Variants in NHS observed in about 807,000 individuals in gnomAD.
NHS encodes actin remodeling regulator NHS.
NHS carries 5 observed loss-of-function variants against 72.5 expected under a neutral mutation model. The ratio of observed to expected loss-of-function variants is 0.07; its 90% confidence interval spans 0.04 to 0.14. The LOEUF (loss-of-function observed/expected upper bound fraction) is 0.14, where lower values mean the gene tolerates loss of function less well. Among genes scored for constraint, NHS ranks in the 10% least tolerant of loss-of-function variants. The pLI is 1.00. For missense variants in NHS, 1,072 were observed against 1,355.7 expected (o/e 0.79, Z 3.29); for synonymous variants, 464 against 547.7 (o/e 0.85, Z 2.13).
At chrX:17,604,732 T>C in intron 1 of NHS, among the ~76,000 whole-genome samples, 1 of 112,374 alleles carries the variant, frequency 8.9e-6, no homozygotes, top group South Asian at 3.7e-4. Flanking sequence ...AATGCATGCA[T>C]GCATGAATGA....
intron 1 of NHS, among the ~76,000 whole-genome samples, chrX:17,436,774 A>T (rs377760225): frequency 9.0e-6 from 1 of 110,631 alleles, no homozygotes; most frequent in South Asian, 3.9e-4. Context: ...CACAGGAAAA[A>T]AAATCTGCTG....
chrX:17,591,126 A>G (rs1167241457), intron 1 of NHS, among the ~76,000 whole-genome samples: 1 of 112,020 alleles, frequency 8.9e-6, no homozygotes, highest in African/African-American at 3.2e-5. Flanking sequence ...CCTGGTACCC[A>G]TGTTAATCCT....
intron 1 of NHS, among the ~76,000 whole-genome samples, chrX:17,485,250 C>A (rs768088842): frequency 8.9e-6 from 1 of 112,116 alleles, no homozygotes; most frequent in African/African-American, 3.2e-5. Context: ...ACAAACTAAG[C>A]GAGTATTAGG....
intron 1 of NHS, among the ~76,000 whole-genome samples, chrX:17,572,903 C>G (rs898252278): frequency 9.0e-6 from 1 of 111,436 alleles, no homozygotes; most frequent in Admixed American, 9.6e-5. Flanking sequence ...GCATTTGCTT[C>G]TCTGTAAAGT....
At position 17,613,065 on chromosome X, in the gene NHS, G is replaced by T. The variant is rs188262798; in HGVS notation, c.566-74677G>T. ...CTCATAGTCATGATGCAGTAATGAC[G>T]TTGAACAAAAAAGTAATGGTGCTAA... On this transcript the variant is annotated intron_variant, in intron 1 of 8. Transcript: ENST00000676302. 1.3e-3 allele frequency among the ~76,000 whole-genome samples: 143 copies of T among 108,428 alleles called. 1 individual carries two copies. Among genetic ancestry groups the T allele is most frequent in the African/African-American group, 4.5e-3 (133 of 29,789 alleles). 94.2% of individuals were successfully genotyped at this position (108,428 alleles called of 115,157 possible). A position where few individuals can be genotyped will look rare whatever the true frequency, so the allele number is the denominator to read the frequency against.
At chrX:17,706,834 G>A (rs1030398981) in intron 3 of NHS, among the ~76,000 whole-genome samples, 2 of 111,655 alleles carry the variant, frequency 1.8e-5, no homozygotes, top group Non-Finnish European at 3.8e-5. Flanking sequence ...CAGCTCATTG[G>A]TTCTCATCAG....
At chrX:17,396,719 A>G (rs999915079) in intron 1 of NHS, among the ~76,000 whole-genome samples, 1 of 112,095 alleles carries the variant, frequency 8.9e-6, no homozygotes, top group Non-Finnish European at 1.9e-5. Context: ...GTTATTGGGC[A>G]CTCAGAATGT....
At chrX:17,669,370 T>C (rs1204068524) in intron 1 of NHS, among the ~76,000 whole-genome samples, 1 of 112,162 alleles carries the variant, frequency 8.9e-6, no homozygotes, top group Non-Finnish European at 1.9e-5. Flanking sequence ...CAGAAATCAG[T>C]TGCAGGAACG....
At chrX:17,634,722 G>A (rs2065836670) in intron 1 of NHS, among the ~76,000 whole-genome samples, 2 of 98,750 alleles carry the variant, frequency 2.0e-5, no homozygotes, top group South Asian at 1.3e-3. Flanking sequence ...TGTGTGTTGA[G>A]GGCGGGTGGG....
chrX:17,416,792 ATGTGTG>A (rs770265000), intron 1 of NHS, among the ~76,000 whole-genome samples: 2 of 95,712 alleles, frequency 2.1e-5, no homozygotes, highest in African/African-American at 7.9e-5. Context: ...ATGTAGGAGT[ATGTGTG>A]TGTGTGTGTG....
At chrX:17,382,445 T>G (rs921679199) in intron 1 of NHS, among the ~76,000 whole-genome samples, 1 of 112,301 alleles carries the variant, frequency 8.9e-6, no homozygotes, top group African/African-American at 3.2e-5. Context: ...GTTAGTGTGT[T>G]TTTGTGTTCT....
chrX:17,503,436 T>C (rs891789465), intron 1 of NHS, among the ~76,000 whole-genome samples: 1 of 111,981 alleles, frequency 8.9e-6, no homozygotes, highest in Non-Finnish European at 1.9e-5. Flanking sequence ...CCTGTGTGCT[T>C]TACAGCTACA....
intron 4 of NHS, among the ~76,000 whole-genome samples, chrX:17,720,036 G>A (rs1014478826): frequency 3.6e-5 from 4 of 111,376 alleles, no homozygotes; most frequent in Non-Finnish European, 7.5e-5. Flanking sequence ...AAGTTACCTA[G>A]GAAACAAAGT....
At chrX:17,564,635 A>G (rs2065432749) in intron 1 of NHS, among the ~76,000 whole-genome samples, 1 of 112,567 alleles carries the variant, frequency 8.9e-6, no homozygotes, top group Non-Finnish European at 1.9e-5. Context: ...TCCATTCTCT[A>G]ACAGCTCTAA....
At chrX:17,710,145 A>G (rs2066321580) in intron 3 of NHS, among the ~76,000 whole-genome samples, 1 of 112,379 alleles carries the variant, frequency 8.9e-6, no homozygotes, top group African/African-American at 3.2e-5. Flanking sequence ...AATGTTTGCA[A>G]AGTCCCAGCA....
In NHS at chrX:17,375,884, C is replaced by A; in HGVS notation, c.127C>A (p.Arg43=). The change falls in exon 1 of 9, where the codon CGG becomes AGG. Residue 43 remains arginine (R), a synonymous_variant. Coordinates refer to ENST00000676302, the MANE Select transcript of NHS (RefSeq NM_001291867.2). ...GCCGCCGCCCTTGCAGCCGCCGGGC[C>A]GGAGGGACCTGGACGAGGTCGAGGC... is the stretch of plus-strand genomic sequence containing the variant. ...EPPPPLQPPG[R]RDLDEVEAPG... The A allele has an allele frequency of 9.0e-7, 1 of 1,107,533 alleles. No homozygotes were observed. The allele number at this position is 1,107,533 out of a possible 1,213,427, so 91.3% of individuals were successfully genotyped here. A position where few individuals can be genotyped will look rare whatever the true frequency, so the allele number is the denominator to read the frequency against.
chrX:17,399,664 A>G (rs1437206008), intron 1 of NHS, among the ~76,000 whole-genome samples: 1 of 111,883 alleles, frequency 8.9e-6, no homozygotes, highest in Non-Finnish European at 1.9e-5. Context: ...GAAGATACAA[A>G]TAAGTCTAAG....
intron 1 of NHS, among the ~76,000 whole-genome samples, chrX:17,557,912 A>G (rs1484316367): frequency 1.8e-5 from 2 of 112,138 alleles, no homozygotes; most frequent in South Asian, 3.7e-4. Context: ...GCAACTCACA[A>G]CCTGGCAGCC....
rs371921140 is a variant in NHS, at chrX:17,412,671, A to G, written c.565+36349A>G. Among the ~76,000 whole-genome samples, 6 of 112,488 alleles carry G rather than the reference A, an allele frequency of 5.3e-5. No homozygotes were observed. In the East Asian group the frequency reaches 1.1e-3, roughly 21 times the overall value. ...AGTCTCAAAAGTTCCTTTTAACTGA[A>G]TGCTTAGTGTGTCCTGATATTTAAC... On this transcript the variant is annotated intron_variant, in intron 1 of 8. Coordinates refer to ENST00000676302, the MANE Select transcript of NHS (RefSeq NM_001291867.2).
Sources: allele counts gnomAD v4.1 joint callset (sites outside exome capture counted in the v4.1 genomes callset), GRCh38; gene constraint gnomAD v4.1.1; transcripts MANE v1.5; gene names NCBI Gene and HGNC (gene_info 2026-07-23, HGNC 2026-07-21).